The following IGSF11 variants were observed in gnomAD, a reference collection of about 807,000 sequenced individuals.
IGSF11 encodes the protein CXADR like 1.
A neutral mutation model predicts 41.0 loss-of-function variants in IGSF11; 22 were observed. The observed-to-expected ratio is 0.54, with a 90% CI of 0.38 to 0.77. The LOEUF is 0.77. Ranked by LOEUF, IGSF11 falls within the 30% of genes least tolerant of loss-of-function variation. IGSF11 has a pLI of 0.00. For missense variants in IGSF11, 444 were observed against 530.8 expected, an observed-to-expected ratio of 0.84 and a Z score of 1.61; for synonymous variants, 219 against 201.3, an observed-to-expected ratio of 1.09 and a Z score of -0.74.
intron 1 of IGSF11, among the ~76,000 whole-genome samples, chr3:119,140,809 C>T (rs897839730): frequency 5.3e-5 from 8 of 151,736 alleles, no homozygotes; most frequent in Non-Finnish European, 8.8e-5. Flanking sequence ...TTTGGGAGGC[C>T]GAGGAGGGTG....
intron 1 of IGSF11, among the ~76,000 whole-genome samples, chr3:119,072,510 C>T (rs1195836198): frequency 2.6e-5 from 4 of 152,138 alleles, no homozygotes; most frequent in South Asian, 2.1e-4. Context: ...ATGATGTGTC[C>T]GGAGTTTGCT....
intron 4 of IGSF11, among the ~76,000 whole-genome samples, chr3:118,922,027 GA>G (rs964093039): frequency 1.0e-4 from 15 of 145,830 alleles, no homozygotes; most frequent in Non-Finnish European, 1.4e-4. Flanking sequence ...ATAGAAGACA[GA>G]AAAAAAAAAC....
chr3:118,982,765 T>A (rs1381786654), intron 1 of IGSF11, among the ~76,000 whole-genome samples: 1 of 152,202 alleles, frequency 6.6e-6, no homozygotes, highest in Non-Finnish European at 1.5e-5. Flanking sequence ...TTTCATTTAG[T>A]ATTCATCTAC....
intron 1 of IGSF11, among the ~76,000 whole-genome samples, chr3:119,145,454 G>C (rs1406855139): frequency 1.3e-5 from 2 of 152,178 alleles, no homozygotes; most frequent in Non-Finnish European, 2.9e-5. Context: ...TTCTCCACTT[G>C]CTAAATATTC....
chr3:119,033,759 G>A (rs1044993154), intron 1 of IGSF11, among the ~76,000 whole-genome samples: 2 of 152,122 alleles, frequency 1.3e-5, no homozygotes, highest in Non-Finnish European at 2.9e-5. Flanking sequence ...ACAGGAGAAT[G>A]CACACACAAA....
intron 1 of IGSF11, among the ~76,000 whole-genome samples, chr3:119,066,025 TA>T (rs1322919995): frequency 1.3e-5 from 2 of 152,152 alleles, no homozygotes; most frequent in African/African-American, 2.4e-5. Flanking sequence ...TGGTTAGTAG[TA>T]TTTTTTTAAA....
At chr3:119,050,928 T>C (rs13079137) in intron 1 of IGSF11, among the ~76,000 whole-genome samples, 9 of 146,184 alleles carry the variant, frequency 6.2e-5, no homozygotes, top group African/African-American at 2.3e-4. Flanking sequence ...TTCTCACTCA[T>C]AGGTGGGAAT....
intron 1 of IGSF11, among the ~76,000 whole-genome samples, chr3:118,990,035 A>G (rs1935638385): frequency 6.6e-6 from 1 of 152,168 alleles, no homozygotes; most frequent in Non-Finnish European, 1.5e-5. Flanking sequence ...ATAAAAATAA[A>G]CTTTGAGGCA....
chr3:118,902,818 T>A lies in IGSF11; in HGVS notation c.998A>T (p.Glu333Val), dbSNP rs778216505. 1 of 1,614,176 alleles carries A rather than the reference T, an allele frequency of 6.2e-7. No individual in the cohort carries two copies. The highest frequency in any genetic ancestry group is 2.2e-5 in the East Asian group (1 of 44,890). Residue 333 changes from glutamate (E) to valine (V), a missense_variant, in exon 7 of 7, where the codon GAG (glutamate) becomes GTG (valine). By Grantham distance (121) the Glu-to-Val change is moderately radical. Coordinates refer to ENST00000393775, the MANE Select transcript of IGSF11 (RefSeq NM_001015887.3). ...SNNPKVHRNT[E>V]SVSHFSDLGQ... ...CAAGTCACTGAAGTGGCTGACTGAC[T>A]CTGTGTTTCTATGAACTTTTGGATT...
At chr3:119,140,715 AC>A (rs1359204646) in intron 1 of IGSF11, among the ~76,000 whole-genome samples, 1 of 152,178 alleles carries the variant, frequency 6.6e-6, no homozygotes, top group African/African-American at 2.4e-5. Context: ...CATATGTTAT[AC>A]CATAAAACAA....
chr3:119,065,183 T>C (rs780757539), intron 1 of IGSF11, among the ~76,000 whole-genome samples: 1 of 152,226 alleles, frequency 6.6e-6, no homozygotes, highest in East Asian at 1.9e-4. Context: ...TCCATTTTAT[T>C]GTTAAGTTTG....
chr3:118,904,942 G>A (rs909272357), intron 5 of IGSF11, 144 bp from the exon 6 acceptor site: 1 of 648,780 alleles, frequency 1.5e-6, no homozygotes, highest in East Asian at 3.0e-5. Context: ...TCTATATAAA[G>A]TTAAACCTCA....
At chr3:119,028,783 CAT>C (rs1940076198) in intron 1 of IGSF11, among the ~76,000 whole-genome samples, 1 of 151,956 alleles carries the variant, frequency 6.6e-6, no homozygotes, top group South Asian at 2.1e-4. Context: ...TTGAAGCTGA[CAT>C]AGTCACACCA....
At chr3:118,991,584 T>C (rs1442914366) in intron 1 of IGSF11, among the ~76,000 whole-genome samples, 1 of 152,192 alleles carries the variant, frequency 6.6e-6, no homozygotes, top group Non-Finnish European at 1.5e-5. Context: ...TAAAGAGTAA[T>C]AAGCTTTTAA....
At chr3:118,952,548 C>T (rs1944651965) in intron 1 of IGSF11, among the ~76,000 whole-genome samples, 1 of 152,098 alleles carries the variant, frequency 6.6e-6, no homozygotes, top group African/African-American at 2.4e-5. Context: ...GAAGAAGCAA[C>T]TTCTTATCTG....
At chr3:119,106,946 T>C (rs990406459), upstream of IGSF11, among the ~76,000 whole-genome samples, 6 of 152,300 alleles carry the variant, frequency 3.9e-5, no homozygotes, top group African/African-American at 9.6e-5. Context: ...CATAGTATTC[T>C]ATGGTGTATA....
intron 1 of IGSF11, among the ~76,000 whole-genome samples, chr3:119,135,012 T>C (rs1202657066): frequency 2.0e-5 from 3 of 152,172 alleles, no homozygotes; most frequent in Non-Finnish European, 2.9e-5. Context: ...TAGCCATATG[T>C]AGAAAGCTGA....
chr3:118,922,224 T>C (rs1941869178), intron 4 of IGSF11, among the ~76,000 whole-genome samples: 1 of 152,180 alleles, frequency 6.6e-6, no homozygotes, highest in Non-Finnish European at 1.5e-5. Flanking sequence ...CAGATAATTA[T>C]TTGTTGCGAG....
chr3:118,965,082 ATGT>A (rs1453380045), intron 1 of IGSF11, among the ~76,000 whole-genome samples: 1 of 152,180 alleles, frequency 6.6e-6, no homozygotes, highest in Non-Finnish European at 1.5e-5. Context: ...CAGATCCTGA[ATGT>A]TTTTTCTGGA....
Sources: gnomAD v4.1 joint callset for allele counts (sites outside exome capture counted in the v4.1 genomes callset) on GRCh38, gnomAD v4.1.1 for gene constraint, MANE v1.5 for transcripts, NCBI Gene and HGNC (gene_info 2026-07-23, HGNC 2026-07-21) for gene names.